The following SMYD3 variants were observed in gnomAD, a reference collection of about 807,000 sequenced individuals.
SMYD3 encodes SET and MYND domain containing 3.
SMYD3 carries 36 observed loss-of-function variants against 57.7 expected under a neutral mutation model. The observed-to-expected ratio is 0.62, with a 90% CI of 0.48 to 0.82. The LOEUF is 0.82. Among genes scored for constraint, SMYD3 ranks in the 40% least tolerant of loss-of-function variants. The pLI is 0.00. For missense variants in SMYD3, 515 were observed against 538.8 expected, an observed-to-expected ratio of 0.96 and a Z score of 0.44; for synonymous variants, 211 against 195.0, an observed-to-expected ratio of 1.08 and a Z score of -0.68.
chr1:246,340,904 G>T (rs1431688700), intron 2 of SMYD3, among the ~76,000 whole-genome samples: 1 of 152,074 alleles, frequency 6.6e-6, no homozygotes, highest in African/African-American at 2.4e-5. Context: ...CTATGCTGGA[G>T]GCTAAGATGG....
chr1:246,206,403 C>T (rs948544088), intron 5 of SMYD3, among the ~76,000 whole-genome samples: 1 of 151,872 alleles, frequency 6.6e-6, no homozygotes, highest in Admixed American at 6.6e-5. Flanking sequence ...GGTAAAGAAA[C>T]TTGTAATAAA....
intron 8 of SMYD3, among the ~76,000 whole-genome samples, chr1:245,868,193 G>A (rs182249502): frequency 8.6e-4 from 131 of 152,254 alleles, no homozygotes; most frequent in African/African-American, 2.9e-3. Context: ...TACAGATGAG[G>A]TGCAAGATAA....
chr1:246,027,245 G>A (rs987158889), intron 5 of SMYD3, among the ~76,000 whole-genome samples: 10 of 152,192 alleles, frequency 6.6e-5, no homozygotes, highest in Non-Finnish European at 1.3e-4. Flanking sequence ...GCAAGGTGAC[G>A]TTGCAGCAAG....
chr1:246,034,300 C>A (rs10924456), intron 5 of SMYD3, among the ~76,000 whole-genome samples: 94 of 152,010 alleles, frequency 6.2e-4, no homozygotes, highest in Middle Eastern at 3.4e-3. Flanking sequence ...TATTATTTCA[C>A]GCTAAATAAC....
At chr1:245,838,247 G>A (rs1168194505) in intron 10 of SMYD3, among the ~76,000 whole-genome samples, 1 of 152,226 alleles carries the variant, frequency 6.6e-6, no homozygotes, top group Non-Finnish European at 1.5e-5. Context: ...TGGACAGAGG[G>A]GAAGCCTGTG....
At chr1:246,506,311 CCAAA>C (rs1358324705) in intron 1 of SMYD3, among the ~76,000 whole-genome samples, 16 of 152,262 alleles carry the variant, frequency 1.1e-4, no homozygotes, top group East Asian at 3.9e-4. Context: ...GTCCAGGCTT[CCAAA>C]ACACCTTCAC....
At chr1:246,259,438 C>T (rs919723970) in intron 5 of SMYD3, among the ~76,000 whole-genome samples, 1 of 152,084 alleles carries the variant, frequency 6.6e-6, no homozygotes, top group Non-Finnish European at 1.5e-5. Context: ...TTCCCTTTCC[C>T]CTGCTTCCTA....
intron 5 of SMYD3, among the ~76,000 whole-genome samples, chr1:246,240,897 G>A (rs1401509429): frequency 1.3e-5 from 2 of 151,816 alleles, no homozygotes; most frequent in Non-Finnish European, 2.9e-5. Context: ...CTGTTTGTCT[G>A]TTATTGGAGT....
At chr1:245,832,529 T>G in intron 10 of SMYD3, among the ~76,000 whole-genome samples, 2 of 49,748 alleles carry the variant, frequency 4.0e-5, no homozygotes. Flanking sequence ...CACCTGATTA[T>G]AAGTAATATA....
At chr1:246,209,432 G>T (rs905069448) in intron 5 of SMYD3, among the ~76,000 whole-genome samples, 2 of 152,180 alleles carry the variant, frequency 1.3e-5, no homozygotes, top group South Asian at 2.1e-4. Flanking sequence ...GGGATTCAGG[G>T]TATATATAAC....
chr1:245,893,615 G>A (rs554432727), intron 8 of SMYD3, among the ~76,000 whole-genome samples: 103 of 152,318 alleles, frequency 6.8e-4, no homozygotes, highest in Middle Eastern at 3.4e-3. Context: ...GCTGGTTAAT[G>A]TATATGATAT....
chr1:245,859,913 C>A (rs958640271), intron 9 of SMYD3, among the ~76,000 whole-genome samples: 1 of 152,146 alleles, frequency 6.6e-6, no homozygotes, highest in African/African-American at 2.4e-5. Flanking sequence ...AAATGACTCA[C>A]GTCAACGTAA....
chr1:246,500,880 C>T (rs763207592), intron 1 of SMYD3, among the ~76,000 whole-genome samples: 1 of 152,156 alleles, frequency 6.6e-6, no homozygotes, highest in Non-Finnish European at 1.5e-5. Context: ...TCCCAAACCT[C>T]GTTACAGAAG....
chr1:246,338,989 C>T (rs969432512), intron 2 of SMYD3, among the ~76,000 whole-genome samples: 1 of 152,190 alleles, frequency 6.6e-6, no homozygotes, highest in Non-Finnish European at 1.5e-5. Context: ...TTCAAGTGTC[C>T]AACCAAATTC....
At chr1:246,108,087 G>A (rs1424046356) in intron 5 of SMYD3, among the ~76,000 whole-genome samples, 2 of 152,172 alleles carry the variant, frequency 1.3e-5, no homozygotes, top group East Asian at 1.9e-4. Flanking sequence ...TACAGAGCTC[G>A]TCTTCTTTGG....
chr1:246,359,428 G>T (rs2065955554), intron 1 of SMYD3, among the ~76,000 whole-genome samples: 1 of 152,068 alleles, frequency 6.6e-6, no homozygotes, highest in South Asian at 2.1e-4. Flanking sequence ...TATTCCAGAG[G>T]ATAGAGAAAA....
At chr1:246,142,332 T>C (rs960048500) in intron 5 of SMYD3, among the ~76,000 whole-genome samples, 1 of 152,196 alleles carries the variant, frequency 6.6e-6, no homozygotes, top group Non-Finnish European at 1.5e-5. Context: ...TTCCTGTAGA[T>C]CTTAGCAACC....
At chr1:245,815,471 G>A (rs1006075708) in intron 10 of SMYD3, among the ~76,000 whole-genome samples, 7 of 152,218 alleles carry the variant, frequency 4.6e-5, no homozygotes, top group African/African-American at 1.7e-4. Context: ...GGGAGCTAAT[G>A]ACACATGGAT....
At chr1:246,092,648 T>C (rs1468339062) in intron 5 of SMYD3, among the ~76,000 whole-genome samples, 1 of 152,280 alleles carries the variant, frequency 6.6e-6, no homozygotes. Flanking sequence ...CCCAAAGCTA[T>C]GAAGCTACTA....
Sources: allele counts gnomAD v4.1 joint callset (sites outside exome capture counted in the v4.1 genomes callset), GRCh38; gene constraint gnomAD v4.1.1; transcripts MANE v1.5; gene names NCBI Gene and HGNC (gene_info 2026-07-23, HGNC 2026-07-21).